CHLSN: variants seen among roughly 807,000 people sequenced by gnomAD.
The protein encoded by CHLSN is cholesin.
the CHLSN span, among the ~76,000 whole-genome samples, chr7:1,020,164 C>T: frequency 1.3e-5 from 2 of 152,170 alleles, no homozygotes; most frequent in Non-Finnish European, 2.9e-5. Flanking sequence ...GCCCCGCGTG[C>T]GATGCCCTGG....
At chr7:1,014,058 A>T in the CHLSN span, among the ~76,000 whole-genome samples, 1 of 152,210 alleles carries the variant, frequency 6.6e-6, no homozygotes, top group Non-Finnish European at 1.5e-5. Flanking sequence ...ATTTCACAAC[A>T]TGGACACTTC....
At chr7:1,072,250 C>G in the CHLSN span, among the ~76,000 whole-genome samples, 1 of 152,208 alleles carries the variant, frequency 6.6e-6, no homozygotes, top group Non-Finnish European at 1.5e-5. Flanking sequence ...CTCTGCTGCC[C>G]TTCTTCTCTC....
the CHLSN span, chr7:989,649 C>G: frequency 6.5e-6 from 1 of 154,736 alleles, no homozygotes. Context: ...AGCATGGTGG[C>G]ACGTGCCTGT....
the CHLSN span, among the ~76,000 whole-genome samples, chr7:1,033,645 G>A: frequency 1.3e-5 from 2 of 152,198 alleles, no homozygotes; most frequent in South Asian, 4.1e-4. Flanking sequence ...ACTGATGCAG[G>A]GGGCATGTGA....
chr7:1,098,507 A>T, the CHLSN span, among the ~76,000 whole-genome samples: 1 of 152,264 alleles, frequency 6.6e-6, no homozygotes, highest in Admixed American at 6.5e-5. Context: ...AGTCAGGAAG[A>T]TAAAGTCACA....
the CHLSN span, among the ~76,000 whole-genome samples, chr7:990,581 C>T: frequency 6.6e-6 from 1 of 152,068 alleles, no homozygotes; most frequent in South Asian, 2.1e-4. Context: ...GCAGGCCTCA[C>T]ACTCCCAGGT....
the CHLSN span, among the ~76,000 whole-genome samples, chr7:1,053,051 G>A: frequency 5.9e-5 from 9 of 152,368 alleles, no homozygotes; most frequent in African/African-American, 2.2e-4. Flanking sequence ...CGGGAAAGAA[G>A]GCACAGCGGG....
At chr7:1,001,642 C>A in the CHLSN span, among the ~76,000 whole-genome samples, 1 of 68,652 alleles carries the variant, frequency 1.5e-5, no homozygotes, top group Non-Finnish European at 2.7e-5. Flanking sequence ...GGTGGGGAGT[C>A]CTGTGGGTGA....
At chr7:1,022,465 T>C in the CHLSN span, among the ~76,000 whole-genome samples, 1 of 152,360 alleles carries the variant, frequency 6.6e-6, no homozygotes, top group East Asian at 1.9e-4. Context: ...AACTGCTTTT[T>C]CTGAGAAACA....
chr7:984,841 G>GC, the CHLSN span: 1 of 1,414,948 alleles, frequency 7.1e-7, no homozygotes, highest in Non-Finnish European at 9.5e-7. Context: ...GGGGGTGAGG[G>GC]CCCAGCCAGT....
chr7:1,086,924 T>G, the CHLSN span: 6 of 152,282 alleles, frequency 3.9e-5, no homozygotes, highest in African/African-American at 1.4e-4. Flanking sequence ...AGTTCCCTTC[T>G]GAGGAAGACC....
At chr7:1,084,085 G>A in the CHLSN span, among the ~76,000 whole-genome samples, 2 of 152,228 alleles carry the variant, frequency 1.3e-5, no homozygotes, top group Middle Eastern at 3.2e-3. Context: ...TCAGGATATG[G>A]CACGGAATGC....
chr7:1,007,204 C>T, the CHLSN span, among the ~76,000 whole-genome samples: 1 of 152,218 alleles, frequency 6.6e-6, no homozygotes, highest in Non-Finnish European at 1.5e-5. Flanking sequence ...CCACACACAG[C>T]CCACCTGGCT....
the CHLSN span, among the ~76,000 whole-genome samples, chr7:1,054,344 C>G: frequency 6.6e-6 from 1 of 152,226 alleles, no homozygotes; most frequent in Non-Finnish European, 1.5e-5. Flanking sequence ...AGAGAGCAAC[C>G]TGCAGCTTTG....
At chr7:1,001,872 G>GT in the CHLSN span, among the ~76,000 whole-genome samples, 3 of 92,058 alleles carry the variant, frequency 3.3e-5, no homozygotes, top group Admixed American at 1.0e-4. Flanking sequence ...CCTGTGGGTG[G>GT]GGAGTCCTGT....
At chr7:1,015,394 A>G in the CHLSN span, among the ~76,000 whole-genome samples, 1 of 152,186 alleles carries the variant, frequency 6.6e-6, no homozygotes, top group African/African-American at 2.4e-5. Context: ...CTGTCTCATG[A>G]ACAGGGTTTG....
the CHLSN span, among the ~76,000 whole-genome samples, chr7:1,030,289 C>T: frequency 7.2e-5 from 11 of 152,214 alleles, no homozygotes; most frequent in Admixed American, 1.3e-4. Context: ...CGCACCAACT[C>T]GCACAGCCAC....
At chr7:990,720 G>A in the CHLSN span, among the ~76,000 whole-genome samples, 6 of 152,136 alleles carry the variant, frequency 3.9e-5, no homozygotes, top group African/African-American at 1.4e-4. Flanking sequence ...AGCAGGGAGC[G>A]AGTGCTGGCT....
At chr7:984,346 C>T in the CHLSN span, 2 of 1,478,658 alleles carry the variant, frequency 1.4e-6, no homozygotes, top group Non-Finnish European at 1.8e-6. Context: ...CAGGCCCGGC[C>T]TGAGGGGACC....
Sources: gnomAD v4.1 joint callset for allele counts (sites outside exome capture counted in the v4.1 genomes callset) on GRCh38, gnomAD v4.1.1 for gene constraint, MANE v1.5 for transcripts, NCBI Gene and HGNC (gene_info 2026-07-23, HGNC 2026-07-21) for gene names.